Variants in SRGAP3 observed in about 807,000 individuals in gnomAD.
The protein encoded by SRGAP3 is SLIT-ROBO Rho GTPase activating protein 3, also known as SLIT-ROBO Rho GTPase-activating protein 3.
SRGAP3 carries 39 observed loss-of-function variants against 121.1 expected under a neutral mutation model. That is an observed-to-expected ratio of 0.32 (90% CI 0.25 to 0.42). SRGAP3 has a LOEUF of 0.42. SRGAP3 is among the 10% of genes least tolerant of loss of function. The pLI is 1.00. For missense variants in SRGAP3, 1,213 were observed against 1,470.6 expected, an observed-to-expected ratio of 0.82 and a Z score of 2.86; for synonymous variants, 601 against 570.0, an observed-to-expected ratio of 1.05 and a Z score of -0.77.
At chr3:9,033,398 G>A (rs1342051669) in intron 11 of SRGAP3, 1 of 151,724 alleles carries the variant, frequency 6.6e-6, no homozygotes, top group Admixed American at 6.6e-5. Flanking sequence ...CTTTAGTCAA[G>A]TACACTTTCT....
chr3:9,262,692 C>A (rs577281069), intron 3 of SRGAP3, among the ~76,000 whole-genome samples: 5 of 152,040 alleles, frequency 3.3e-5, no homozygotes, highest in African/African-American at 1.2e-4. Context: ...ATATATGCAC[C>A]CAATACAGGA....
chr3:9,220,563 C>T (rs996132961), intron 1 of SRGAP3, among the ~76,000 whole-genome samples: 2 of 152,212 alleles, frequency 1.3e-5, no homozygotes, highest in Non-Finnish European at 2.9e-5. Context: ...AGCTTCCATA[C>T]TGCTGGACAG....
At chr3:9,191,382 C>T (rs1041407032) in intron 1 of SRGAP3, among the ~76,000 whole-genome samples, 5 of 152,336 alleles carry the variant, frequency 3.3e-5, no homozygotes, top group East Asian at 1.9e-4. Context: ...ATTTCTCACG[C>T]TAAAGGAGCT....
intron 1 of SRGAP3, among the ~76,000 whole-genome samples, chr3:9,343,254 C>T (rs1189248515): frequency 6.6e-6 from 1 of 152,242 alleles, no homozygotes; most frequent in African/African-American, 2.4e-5. Flanking sequence ...AAGAATCATG[C>T]TGGCTCTTTG....
chr3:9,328,866 A>G (rs963375718), intron 2 of SRGAP3, among the ~76,000 whole-genome samples: 23 of 152,346 alleles, frequency 1.5e-4, no homozygotes, highest in African/African-American at 5.3e-4. Flanking sequence ...ACTACTCAAG[A>G]TAATTTTTAG....
At chr3:9,145,086 GTTGT>G (rs1375592023) in intron 1 of SRGAP3, among the ~76,000 whole-genome samples, 1 of 151,964 alleles carries the variant, frequency 6.6e-6, no homozygotes, top group Non-Finnish European at 1.5e-5. Flanking sequence ...CTTTCTCTCT[GTTGT>G]TTATTTATTT....
At chr3:9,338,224 G>A (rs1955724269) in intron 1 of SRGAP3, among the ~76,000 whole-genome samples, 1 of 152,120 alleles carries the variant, frequency 6.6e-6, no homozygotes, top group Non-Finnish European at 1.5e-5. Flanking sequence ...GGAAGATAAT[G>A]AGCCATTTTA....
chr3:9,137,143 A>C (rs1229149314), intron 1 of SRGAP3, among the ~76,000 whole-genome samples: 1 of 152,132 alleles, frequency 6.6e-6, no homozygotes, highest in Non-Finnish European at 1.5e-5. Context: ...ATTTCATGTA[A>C]ATATTAAGAA....
chr3:9,328,641 G>C (rs1228329707), intron 2 of SRGAP3, among the ~76,000 whole-genome samples: 1 of 152,140 alleles, frequency 6.6e-6, no homozygotes, highest in Non-Finnish European at 1.5e-5. Flanking sequence ...CTCAGAGAAA[G>C]GAAAATTTAA....
At chr3:9,096,631 C>G (rs992343184) in intron 3 of SRGAP3, among the ~76,000 whole-genome samples, 2 of 151,728 alleles carry the variant, frequency 1.3e-5, no homozygotes, top group Non-Finnish European at 2.9e-5. Context: ...TCCCTCCACA[C>G]GGCACTGGAT....
chr3:9,269,175 C>T (rs755813053), intron 3 of SRGAP3, among the ~76,000 whole-genome samples: 1 of 152,176 alleles, frequency 6.6e-6, no homozygotes, highest in Non-Finnish European at 1.5e-5. Flanking sequence ...GAAGGCTATA[C>T]TCTGGGGATG....
At chr3:9,181,435 C>T (rs1001819944) in intron 1 of SRGAP3, among the ~76,000 whole-genome samples, 3 of 152,198 alleles carry the variant, frequency 2.0e-5, no homozygotes, top group Admixed American at 2.0e-4. Flanking sequence ...CAGGTTGACT[C>T]AGGGGGTTTT....
At chr3:9,097,296 G>A (rs983024973) in intron 3 of SRGAP3, among the ~76,000 whole-genome samples, 4 of 151,838 alleles carry the variant, frequency 2.6e-5, no homozygotes, top group Admixed American at 6.6e-5. Flanking sequence ...TGGCCTAATC[G>A]CTATAATATT....
chr3:9,308,388 A>G (rs570226523), intron 3 of SRGAP3, among the ~76,000 whole-genome samples: 18 of 152,320 alleles, frequency 1.2e-4, no homozygotes, highest in African/African-American at 4.3e-4. Context: ...TTTGAAAAAC[A>G]AAATAATCAG....
At chr3:9,106,467 C>T (rs1948421630) in intron 2 of SRGAP3, among the ~76,000 whole-genome samples, 1 of 152,194 alleles carries the variant, frequency 6.6e-6, no homozygotes, top group Non-Finnish European at 1.5e-5. Flanking sequence ...AAAACACAGC[C>T]TCCCACTATT....
intron 10 of SRGAP3, among the ~76,000 whole-genome samples, chr3:9,043,672 C>T (rs1199206870): frequency 6.6e-6 from 1 of 152,118 alleles, no homozygotes; most frequent in Non-Finnish European, 1.5e-5. Flanking sequence ...CTATCCTTTA[C>T]CTTCTGAGAC....
At position 9,013,325 on chromosome 3, in the gene SRGAP3, A is replaced by T. The variant is rs140210494; in HGVS notation, c.2130T>A (p.Ala710=). Residue 710 remains alanine (A), a synonymous_variant, in exon 17 of 22, where the codon GCT becomes GCA. Coordinates refer to ENST00000383836, the MANE Select transcript of SRGAP3 (RefSeq NM_014850.4). Reference sequence around the variant, plus strand: ...CATCTTACCAATATTCTTCCCCTCCAGCCATGCATTTTTCATACACAGGTC... The same window carrying T: ...CATCTTACCAATATTCTTCCCCTCCTGCCATGCATTTTTCATACACAGGTC... ...LEGPVYEKCM[A]GGEEYCDSPH... 1 of 1,614,056 alleles carries T rather than the reference A, an allele frequency of 6.2e-7. No individual in the cohort carries two copies. The highest frequency in any genetic ancestry group is 2.2e-5 in the East Asian group (1 of 44,878).
intron 1 of SRGAP3, among the ~76,000 whole-genome samples, chr3:9,154,337 A>C (rs1266715746): frequency 6.6e-6 from 1 of 152,070 alleles, no homozygotes; most frequent in East Asian, 1.9e-4. Flanking sequence ...TAAACAACGT[A>C]ACTCAAAATA....
intron 3 of SRGAP3, among the ~76,000 whole-genome samples, chr3:9,267,469 A>G (rs891608443): frequency 7.9e-5 from 12 of 152,164 alleles, no homozygotes; most frequent in African/African-American, 2.9e-4. Context: ...CCGTGGGGGC[A>G]GCTGGGGTCT....
Sources: gnomAD v4.1 joint callset for allele counts (sites outside exome capture counted in the v4.1 genomes callset) on GRCh38, gnomAD v4.1.1 for gene constraint, MANE v1.5 for transcripts, NCBI Gene and HGNC (gene_info 2026-07-23, HGNC 2026-07-21) for gene names.